The following BAG1 variants were observed in gnomAD, a reference collection of about 807,000 sequenced individuals.
BAG1 encodes BAG family molecular chaperone regulator 1.
In BAG1, 35 loss-of-function variants were observed where a neutral mutation model predicts 35.5. That is an observed-to-expected ratio of 0.99 (90% confidence interval 0.75 to 1.31). The LOEUF (loss-of-function observed/expected upper bound fraction) is 1.31. Among genes scored for constraint, BAG1 ranks in the 50% most tolerant of loss-of-function variants. BAG1 has a pLI of 0.00. For synonymous variants in BAG1, 191 were observed against 178.9 expected (o/e 1.07, Z -0.54); for missense variants, 464 against 453.6 (o/e 1.02, Z -0.21).
chr9:33,256,106 G>T (rs544932411), intron 5 of BAG1, among the ~76,000 whole-genome samples, 179 bp from the exon 6 acceptor site: 15 of 152,302 alleles, frequency 9.8e-5, no homozygotes, highest in African/African-American at 3.6e-4. Flanking sequence ...TCTGTATCCT[G>T]TATGGCCTTT....
At chr9:33,262,937 T>A in intron 1 of BAG1, 107 bp from the exon 2 acceptor site, 1 of 1,474,394 alleles carries the variant, frequency 6.8e-7, no homozygotes, top group Non-Finnish European at 9.1e-7. Context: ...CCAGCTCATA[T>A]GCCACCTACT....
chr9:33,261,940 C>T (rs1391971560), intron 2 of BAG1: 1 of 985,274 alleles, frequency 1.0e-6, no homozygotes, highest in African/African-American at 1.7e-5. Flanking sequence ...CAATGGGAGG[C>T]ACTGGAAACA....
At position 33,263,922 on chromosome 9, in the gene BAG1, C is replaced by G. The variant is rs189493089; in HGVS notation, c.451+302G>C. Among the ~76,000 whole-genome samples, 19 of 152,238 alleles carry G rather than the reference C, an allele frequency of 1.2e-4. No individual in the cohort carries two copies. In the East Asian group the frequency reaches 3.5e-3, roughly 28 times the overall value. ...CACATGGCCCAATATATGCCTGACA[C>G]AAAGGGCACAATAACTGCGCGGGCA... On this transcript the variant is annotated intron_variant, in intron 1 of 6. Coordinates refer to ENST00000634734, the MANE Select transcript of BAG1 (RefSeq NM_004323.6).
rs1820651754 is a variant in BAG1 at position 33,264,239 on chromosome 9, C to CG, written c.435dup (p.Val146ArgfsTer8). The CG allele has an allele frequency of 6.2e-7, 1 of 1,608,862 alleles. No individual in the cohort carries two copies. On this transcript the variant is annotated frameshift_variant, in exon 1 of 7. Coordinates refer to ENST00000634734, the MANE Select transcript of BAG1 (RefSeq NM_004323.6). LOFTEE classifies it high-confidence loss of function. ...CGACACTCACTGTGGGTGACAGTCA[C>CG]GGTGAGCCCAGCTGCCGCCATTTCC...
At chr9:33,263,265 G>A (rs933652540) in intron 1 of BAG1, among the ~76,000 whole-genome samples, 6 of 152,190 alleles carry the variant, frequency 3.9e-5, no homozygotes, top group African/African-American at 1.4e-4. Context: ...TCTGCTTCCT[G>A]TGGCTTGACT....
At chr9:33,262,863 A>G in intron 1 of BAG1, 33 bp from the exon 2 acceptor site, 1 of 1,609,762 alleles carries the variant, frequency 6.2e-7, no homozygotes, top group South Asian at 1.1e-5. Context: ...GACGAATATG[A>G]TTCTTTCACA....
At position 33,255,177 on chromosome 9, in the gene BAG1, G is replaced by A. The variant is rs1820425137; in HGVS notation, c.*42C>T. The A allele has an allele frequency of 1.2e-6, 2 of 1,614,074 alleles. No individual in the cohort carries two copies. Among genetic ancestry groups the A allele is most frequent in the African/African-American group, 2.7e-5 (2 of 74,936 alleles). On this transcript the variant is annotated 3_prime_UTR_variant, in exon 7 of 7. Coordinates refer to ENST00000634734, the MANE Select transcript of BAG1 (RefSeq NM_004323.6). ...CCGCTCCAGAGACGGCAGAGCTGGTGGCGCCATTCTTCAGGGCAGCACAGC... is the reference window on the plus strand; with the variant it reads ...CCGCTCCAGAGACGGCAGAGCTGGTAGCGCCATTCTTCAGGGCAGCACAGC...
In BAG1 at chr9:33,264,628, C is replaced by G. The variant is rs891323642; in HGVS notation, c.47G>C (p.Arg16Pro). The G allele has an allele frequency of 3.7e-6, 5 of 1,349,706 alleles. No homozygotes were observed. Among genetic ancestry groups the G allele is most frequent in the Non-Finnish European group, 4.7e-6 (5 of 1,059,450 alleles). 83.6% of individuals were successfully genotyped at this position (1,349,706 alleles called of 1,614,324 possible). ...AAGGGCGCGCAGCCGGGAACCCAGC[C>G]GCTCCCGGTCGCCTCGCGGTCTCCG... Residue 16 changes from arginine (R) to proline (P), a missense_variant, in exon 1 of 7, where the codon CGG becomes CCG. Transcript: ENST00000634734.
Position 33,254,511 on chromosome 9 carries a change from T to G in BAG1, c.*708A>C. On this transcript the variant is annotated 3_prime_UTR_variant, in exon 7 of 7. Transcript: ENST00000634734. ...TTCCTAATCCATGGCTCTGGCCTGGTTTCAAGCACAGACTCAGTCAACACT... is the reference window on the plus strand; with the variant it reads ...TTCCTAATCCATGGCTCTGGCCTGGGTTCAAGCACAGACTCAGTCAACACT... 6.5e-6 allele frequency: 1 copy of G among 153,522 alleles called. No homozygotes were observed. Among genetic ancestry groups the G allele is most frequent in the Non-Finnish European group, 1.4e-5 (1 of 69,010 alleles). 9.5% of individuals were successfully genotyped at this position (153,522 alleles called of 1,614,324 possible). A position where few individuals can be genotyped will look rare whatever the true frequency, so the allele number is the denominator to read the frequency against.
At position 33,258,965 on chromosome 9, in the gene BAG1, A is replaced by G; in HGVS notation, c.732T>C (p.Ala244=). 2 of 1,614,244 alleles carry G rather than the reference A, an allele frequency of 1.2e-6. No homozygotes were observed. The highest frequency in any genetic ancestry group is 1.1e-5 in the South Asian group (1 of 91,082). Reference sequence around the variant, plus strand: ...CTTTATTCAACTCTTCCAGCTGGTCAGCTATCTTCTCCACAGACTTCTCCA... The same window carrying G: ...CTTTATTCAACTCTTCCAGCTGGTCGGCTATCTTCTCCACAGACTTCTCCA... Residue 244 remains alanine (A), a synonymous_variant, in exon 4 of 7, where the codon GCT becomes GCC. Transcript: ENST00000634734.
At chr9:33,255,486 G>T (rs1820433677) in intron 6 of BAG1, among the ~76,000 whole-genome samples, 178 bp from the exon 7 acceptor site, 1 of 152,194 alleles carries the variant, frequency 6.6e-6, no homozygotes, top group African/African-American at 2.4e-5. Context: ...GGGAGCATAG[G>T]ACCAGCATTC....
chr9:33,264,033 G>A (rs1180183765), intron 1 of BAG1, among the ~76,000 whole-genome samples, 191 bp downstream of exon 1: 3 of 152,084 alleles, frequency 2.0e-5, no homozygotes, highest in African/African-American at 4.8e-5. Flanking sequence ...AAAATACACC[G>A]GCCACATGGA....
At chr9:33,258,072 C>G (rs1008511458) in intron 4 of BAG1, 16 of 151,964 alleles carry the variant, frequency 1.1e-4, no homozygotes. Context: ...GGGCAGATCA[C>G]TTGAGGTCAG....
intron 3 of BAG1, 60 bp downstream of exon 3, chr9:33,261,027 C>T: frequency 1.4e-6 from 2 of 1,422,262 alleles, no homozygotes; most frequent in East Asian, 2.3e-5. Flanking sequence ...TAAACAGAAA[C>T]ATGTATAAAA....
chr9:33,252,902 GA>G lies in BAG1; in HGVS notation c.*2316del, dbSNP rs1487684626. 1 of 152,102 alleles carries G rather than the reference GA, an allele frequency of 6.6e-6. No homozygotes were observed. Among genetic ancestry groups the G allele is most frequent in the Non-Finnish European group, 1.5e-5 (1 of 68,076 alleles). 9.4% of individuals were successfully genotyped at this position (152,102 alleles called of 1,614,324 possible). Reference sequence around the variant, plus strand: ...AGGAAGGTGAGGAGCTGTTCAAGCAGAGGTAGTAGCAGGAGCAAAGACCCCC... The same window carrying G: ...AGGAAGGTGAGGAGCTGTTCAAGCAGGGTAGTAGCAGGAGCAAAGACCCCC... On this transcript the variant is annotated 3_prime_UTR_variant, in exon 7 of 7. Transcript: ENST00000634734.
intron 3 of BAG1, chr9:33,259,689 A>G (rs527422617): frequency 3.9e-5 from 6 of 152,392 alleles, no homozygotes; most frequent in African/African-American, 1.2e-4. Flanking sequence ...ACATTTCAGT[A>G]AACACTTGTG....
rs1277798306 is a variant in BAG1 at position 33,255,920 on chromosome 9, G to A, written c.893C>T (p.Pro298Leu). The A allele has an allele frequency of 2.5e-6, 4 of 1,613,374 alleles. No homozygotes were observed. The highest frequency in any genetic ancestry group is 8.5e-7 in the Non-Finnish European group (1 of 1,179,352). ...CAATCTACTGTCTTTGAAATTTTCT[G>A]GCAGGATCTATGGAAGAGTAAGTTG... The change falls in exon 6 of 7, where the codon CCA becomes CTA. Residue 298 changes from proline to leucine, a missense_variant. By Grantham distance (98) the Pro-to-Leu change is moderately conservative. Coordinates refer to ENST00000634734, the MANE Select transcript of BAG1 (RefSeq NM_004323.6).
chr9:33,261,206 T>C, intron 2 of BAG1, 37 bp from the exon 3 acceptor site: 1 of 1,460,110 alleles, frequency 6.8e-7, no homozygotes, highest in Non-Finnish European at 9.5e-7. Flanking sequence ...GTTGTAATAA[T>C]TGTACAACAC....
In BAG1 at chr9:33,256,859, C is replaced by A. The variant is rs1384775998; in HGVS notation, c.827G>T (p.Arg276Met). The A allele has an allele frequency of 1.9e-6, 3 of 1,614,094 alleles. No individual in the cohort carries two copies. The South Asian group carries it at 3.3e-5, about 18-fold the overall frequency. The change falls in exon 5 of 7, where the codon AGG becomes ATG. Residue 276 changes from arginine (R) to methionine (M), a missense_variant. Coordinates refer to ENST00000634734, the MANE Select transcript of BAG1 (RefSeq NM_004323.6). ...CTGCTCTATTGTGGCTTTTACTCTC[C>A]TATCAAGTTTGCAGAGAGCTTCAGC... is the stretch of plus-strand genomic sequence containing the variant.
Sources: gnomAD v4.1 joint callset for allele counts (sites outside exome capture counted in the v4.1 genomes callset) on GRCh38, gnomAD v4.1.1 for gene constraint, MANE v1.5 for transcripts, NCBI Gene and HGNC (gene_info 2026-07-23, HGNC 2026-07-21) for gene names.